The following PGAP4 variants were observed in gnomAD, a reference collection of about 807,000 sequenced individuals.
PGAP4 encodes the protein post-GPI attachment to proteins GalNAc transferase 4.
In PGAP4, 12 loss-of-function variants were observed where a neutral mutation model predicts 28.2. That is an observed-to-expected ratio of 0.42 (90% CI 0.27 to 0.69). PGAP4 has a LOEUF of 0.69. PGAP4 is among the 30% of genes least tolerant of loss of function. The pLI, the probability that PGAP4 is intolerant of heterozygous loss-of-function variation, is 0.22. For missense variants in PGAP4, 425 were observed against 513.5 expected, an observed-to-expected ratio of 0.83 and a Z score of 1.67; for synonymous variants, 205 against 211.8, an observed-to-expected ratio of 0.97 and a Z score of 0.28.
chr9:101,481,475 C>A (rs2297355), intron 1 of PGAP4: 16,936 of 152,190 alleles, frequency 0.11, 1,382 homozygotes, highest in East Asian at 0.23. Context: ...AGCTCCGATT[C>A]TACAGAACAA....
chr9:101,511,731 A>T (rs1280578652), intron 2 of PGAP4, among the ~76,000 whole-genome samples: 2 of 152,154 alleles, frequency 1.3e-5, no homozygotes, highest in Non-Finnish European at 2.9e-5. Context: ...AAGCCAGGAA[A>T]GTCTGTTTCT....
rs987348614 is a variant in PGAP4, at chr9:101,495,633, T to C, written c.-164-6433A>G. The stretch of plus-strand genomic sequence containing the variant: ...AATTACAGGTCATGGCTAAATAACA[T>C]GTATTTATTTAACCAGAGTGATAAC... On this transcript the variant is annotated intron_variant, in intron 2 of 3. Coordinates refer to the PGAP4 transcript ENST00000374851. 3.3e-5 allele frequency among the ~76,000 whole-genome samples: 5 copies of C among 149,272 alleles called. No individual in the cohort carries two copies. The Admixed American group carries it at 3.4e-4, about 10-fold the overall frequency.
intron 1 of PGAP4, among the ~76,000 whole-genome samples, chr9:101,478,521 C>T (rs1163493665): frequency 1.3e-5 from 2 of 152,202 alleles, no homozygotes; most frequent in African/African-American, 4.8e-5. Context: ...CCATGGTCTC[C>T]CCTTGGGCAC....
intron 2 of PGAP4, among the ~76,000 whole-genome samples, chr9:101,494,839 A>G (rs1027434958): frequency 6.6e-5 from 10 of 151,400 alleles, no homozygotes. Context: ...GCATTTTAAG[A>G]TAACCAGAAT....
chr9:101,505,749 T>C (rs1452780202), intron 2 of PGAP4, among the ~76,000 whole-genome samples: 2 of 152,192 alleles, frequency 1.3e-5, no homozygotes, highest in South Asian at 2.1e-4. Flanking sequence ...TTTAGCATTC[T>C]GCCTTCTACA....
At position 101,530,990 on chromosome 9, in the gene PGAP4, A is replaced by T. The variant is rs867397257; in HGVS notation, c.-165+358T>A. Among the ~76,000 whole-genome samples the T allele has an allele frequency of 8.5e-4, 130 of 152,274 alleles. 1 individual carries two copies. The Middle Eastern group carries it at 0.031, about 36-fold the overall frequency. ...AAATGTAGGTAGGCCTCATCCAATC[A>T]GTTGAGAGCCTTAATAGAACAAAGA... On this transcript the variant is annotated intron_variant, in intron 2 of 3. Coordinates refer to the PGAP4 transcript ENST00000374851.
rs1827090819 is a variant in PGAP4, at chr9:101,531,561, T to C, written c.-376-2A>G. 6.6e-6 allele frequency: 1 copy of C among 152,216 alleles called. No homozygotes were observed. Among genetic ancestry groups the C allele is most frequent in the South Asian group, 2.1e-4 (1 of 4,834 alleles). 9.4% of individuals were successfully genotyped at this position (152,216 alleles called of 1,614,324 possible). A position where few individuals can be genotyped will look rare whatever the true frequency, so the allele number is the denominator to read the frequency against. ...CAGTTTCAGCCTCACACAGAAAATCTGGAAGATAAAAATCTGCTTCAATTC... is the reference window on the plus strand; with the variant it reads ...CAGTTTCAGCCTCACACAGAAAATCCGGAAGATAAAAATCTGCTTCAATTC... On this transcript the variant is annotated splice_acceptor_variant, in intron 1 of 3. Transcript: ENST00000374851. LOFTEE classifies it low-confidence loss of function (5UTR_SPLICE).
chr9:101,517,861 A>G (rs1319595631), intron 2 of PGAP4, among the ~76,000 whole-genome samples: 1 of 152,162 alleles, frequency 6.6e-6, no homozygotes, highest in Non-Finnish European at 1.5e-5. Context: ...AAAGCTCACT[A>G]TTTTATGTAT....
At chr9:101,484,064 A>G (rs1039833131) in intron 1 of PGAP4, among the ~76,000 whole-genome samples, 1 of 152,166 alleles carries the variant, frequency 6.6e-6, no homozygotes, top group East Asian at 1.9e-4. Flanking sequence ...TAAAAATTTT[A>G]TAAGTGCATC....
At position 101,505,110 on chromosome 9, in the gene PGAP4, G is replaced by A. The variant is rs142186179; in HGVS notation, c.-164-15910C>T. Among the ~76,000 whole-genome samples the A allele has an allele frequency of 3.3e-5, 5 of 152,096 alleles. No homozygotes were observed. In the East Asian group the frequency reaches 9.7e-4, roughly 29 times the overall value. On this transcript the variant is annotated intron_variant, in intron 2 of 3. Coordinates refer to the PGAP4 transcript ENST00000374851. Reference sequence around the variant, plus strand: ...AGACCCAAGTTTCAATGTAAAAATGGGATCCTACTATCTAAAGGACTGAGT... The same window carrying A: ...AGACCCAAGTTTCAATGTAAAAATGAGATCCTACTATCTAAAGGACTGAGT...
chr9:101,504,692 T>C (rs1445803971), intron 2 of PGAP4, among the ~76,000 whole-genome samples: 1 of 152,088 alleles, frequency 6.6e-6, no homozygotes, highest in East Asian at 1.9e-4. Context: ...GTTTTAAAGG[T>C]AACTGAGAGC....
chr9:101,490,114 G>A (rs1027153321), upstream of PGAP4, among the ~76,000 whole-genome samples: 1 of 152,090 alleles, frequency 6.6e-6, no homozygotes, highest in African/African-American at 2.4e-5. Flanking sequence ...GCACTTCACT[G>A]TATAAGGCTC....
intron 2 of PGAP4, among the ~76,000 whole-genome samples, chr9:101,499,967 TTAATA>T (rs1439479886): frequency 3.3e-5 from 5 of 151,894 alleles, no homozygotes; most frequent in African/African-American, 4.8e-5. Context: ...GAAATTAATA[TTAATA>T]TAATATATTA....
intron 2 of PGAP4, among the ~76,000 whole-genome samples, chr9:101,528,232 C>T (rs1025138879): frequency 5.3e-5 from 8 of 152,078 alleles, no homozygotes; most frequent in African/African-American, 1.7e-4. Flanking sequence ...AATATTTATA[C>T]CAAAGTTTGA....
chr9:101,518,826 C>G (rs1826962090), intron 2 of PGAP4, among the ~76,000 whole-genome samples: 1 of 152,200 alleles, frequency 6.6e-6, no homozygotes, highest in African/African-American at 2.4e-5. Context: ...TGAGTAGATA[C>G]CCAGTAATGG....
chr9:101,501,910 G>C, intron 2 of PGAP4: 1 of 392,526 alleles, frequency 2.5e-6, no homozygotes, highest in Non-Finnish European at 5.0e-6. Context: ...CCTCCGATTG[G>C]AAAGGAAAGA....
chr9:101,525,582 C>A (rs1420107160), intron 2 of PGAP4, among the ~76,000 whole-genome samples: 1 of 150,436 alleles, frequency 6.6e-6, no homozygotes, highest in Admixed American at 6.6e-5. Context: ...TGACAGGTGC[C>A]TGTAATCTCA....
rs1362250538 is a variant in PGAP4 at position 101,486,356 on chromosome 9, G to C, written c.-78+593C>G. ...CCTTCCCTTCTGCTGGTTTTTCCTG[G>C]TCCTGGGAGGGACGCCTTCCTCTGC... On this transcript the variant is annotated intron_variant, in intron 1 of 1. Transcript: ENST00000374848. This position sits in a 1 kb window ranked among gnomAD's most constrained non-coding sequence, Gnocchi z 4.7. Among the ~76,000 whole-genome samples, 1 of 152,114 alleles carries C rather than the reference G, an allele frequency of 6.6e-6. No individual in the cohort carries two copies. Among genetic ancestry groups the C allele is most frequent in the African/African-American group, 2.4e-5 (1 of 41,418 alleles).
upstream of PGAP4, chr9:101,488,983 T>C (rs1826660312): frequency 6.6e-6 from 1 of 152,198 alleles, no homozygotes; most frequent in African/African-American, 2.4e-5. Context: ...TATCAGGTAT[T>C]GATAAATATT....
Sources: allele counts gnomAD v4.1 joint callset (sites outside exome capture counted in the v4.1 genomes callset), GRCh38; gene constraint gnomAD v4.1.1; non-coding constraint Gnocchi (gnomAD v3.1); transcripts MANE v1.5; gene names NCBI Gene and HGNC (gene_info 2026-07-23, HGNC 2026-07-21).